NUTF2: variants seen among roughly 807,000 people sequenced by gnomAD.
The protein encoded by NUTF2 is placental protein 15.
A neutral mutation model predicts 18.5 loss-of-function variants in NUTF2; 3 were observed. The ratio of observed to expected loss-of-function variants is 0.16; its 90% CI spans 0.07 to 0.42. NUTF2 has a LOEUF of 0.42. Among genes scored for constraint, NUTF2 ranks in the 10% least tolerant of loss-of-function variants. NUTF2 has a pLI of 0.99. For missense variants in NUTF2, 44 were observed against 160.7 expected (o/e 0.27, Z 3.93); for synonymous variants, 51 against 57.9 (o/e 0.88, Z 0.54).
At chr16:67,865,056 C>G in intron 1 of NUTF2, 46 bp from the exon 2 acceptor site, 1 of 984,234 alleles carries the variant, frequency 1.0e-6, no homozygotes, top group South Asian at 1.4e-5. Flanking sequence ...TGGTCACCTA[C>G]TCTCATGGTA....
At chr16:67,866,963 A>G (rs1249451077) in intron 2 of NUTF2, among the ~76,000 whole-genome samples, 1 of 148,860 alleles carries the variant, frequency 6.7e-6, no homozygotes, top group African/African-American at 2.5e-5. Context: ...CTTGTGCCTC[A>G]TTATCACTCT....
chr16:67,856,437 G>T (rs1165877646), intron 1 of NUTF2, among the ~76,000 whole-genome samples: 1 of 150,960 alleles, frequency 6.6e-6, no homozygotes, highest in African/African-American at 2.4e-5. Context: ...TGATCCACCT[G>T]CCTCGGCCTC....
At chr16:67,862,619 G>T (rs2057942332) in intron 1 of NUTF2, among the ~76,000 whole-genome samples, 1 of 152,182 alleles carries the variant, frequency 6.6e-6, no homozygotes, top group African/African-American at 2.4e-5. Flanking sequence ...TGGATCACTT[G>T]AGCTCAGGAG....
intron 1 of NUTF2, among the ~76,000 whole-genome samples, chr16:67,848,185 G>A (rs1376282922): frequency 6.6e-6 from 1 of 152,202 alleles, no homozygotes; most frequent in African/African-American, 2.4e-5. Flanking sequence ...TTCTGATTGA[G>A]AGATGGTAAA....
At chr16:67,857,010 C>T (rs567651907) in intron 1 of NUTF2, among the ~76,000 whole-genome samples, 1 of 152,342 alleles carries the variant, frequency 6.6e-6, no homozygotes, top group East Asian at 1.9e-4. Flanking sequence ...GTTCCCTCCA[C>T]CACTCTGTGG....
At chr16:67,853,929 C>A (rs1337445670) in intron 1 of NUTF2, among the ~76,000 whole-genome samples, 1 of 152,142 alleles carries the variant, frequency 6.6e-6, no homozygotes, top group Non-Finnish European at 1.5e-5. Flanking sequence ...TTATAGGGAA[C>A]AGCCACCACG....
At chr16:67,848,760 A>G (rs1598155639) in intron 1 of NUTF2, among the ~76,000 whole-genome samples, 1 of 151,826 alleles carries the variant, frequency 6.6e-6, no homozygotes, top group African/African-American at 2.4e-5. Flanking sequence ...AGAAAAAGAA[A>G]AAAAAAAAAA....
At chr16:67,866,491 A>C (rs1022360137) in intron 2 of NUTF2, among the ~76,000 whole-genome samples, 3 of 151,246 alleles carry the variant, frequency 2.0e-5, no homozygotes, top group African/African-American at 7.3e-5. Context: ...CTTGAGATGC[A>C]GTCTCACTCT....
In NUTF2 at chr16:67,870,973, C is replaced by G; in HGVS notation, c.*60C>G. The G allele has an allele frequency of 8.1e-7, 1 of 1,236,130 alleles. No homozygotes were observed. The highest frequency in any genetic ancestry group is 1.2e-6 in the Non-Finnish European group (1 of 838,354). The allele number at this position is 1,236,130 out of a possible 1,614,324, so 76.6% of individuals were successfully genotyped here. A position where few individuals can be genotyped will look rare whatever the true frequency, so the allele number is the denominator to read the frequency against. ...CTCCCTCCTCTTCCCAATACTATTC[C>G]CACTCCTCCAGATGCTCCAAATATC... On this transcript the variant is annotated 3_prime_UTR_variant, in exon 5 of 5. Transcript: ENST00000219169.
At chr16:67,851,809 A>G (rs919745974) in intron 1 of NUTF2, among the ~76,000 whole-genome samples, 1 of 152,116 alleles carries the variant, frequency 6.6e-6, no homozygotes, top group Non-Finnish European at 1.5e-5. Context: ...TGAGGTCAGG[A>G]GTTCAAAACC....
intron 1 of NUTF2, among the ~76,000 whole-genome samples, chr16:67,863,977 A>G (rs1280650753): frequency 6.6e-6 from 1 of 152,168 alleles, no homozygotes; most frequent in Non-Finnish European, 1.5e-5. Flanking sequence ...GGTAAAAGCA[A>G]TGCTGGGATG....
At chr16:67,855,948 T>A (rs1488106891) in intron 1 of NUTF2, 6 of 1,045,764 alleles carry the variant, frequency 5.7e-6, no homozygotes, top group Non-Finnish European at 8.5e-6. Context: ...TGGGCAGATG[T>A]CCAGCCTCAG....
rs2057991656 is a variant in NUTF2 at position 67,868,701 on chromosome 16, A to G, written c.270+102A>G. The G allele has an allele frequency of 1.9e-5, 21 of 1,092,330 alleles. No homozygotes were observed. In the South Asian group the frequency reaches 2.8e-4, roughly 14 times the overall value. 67.7% of individuals were successfully genotyped at this position (1,092,330 alleles called of 1,614,324 possible). A position where few individuals can be genotyped will look rare whatever the true frequency, so the allele number is the denominator to read the frequency against. On this transcript the variant is annotated intron_variant, in intron 4 of 4. Coordinates refer to ENST00000219169, the MANE Select transcript of NUTF2 (RefSeq NM_005796.3). ...GTGACCTGCTTATCTAGGGACACCC[A>G]GACAAAGTGACTGTCTAGAGCTGCG...
chr16:67,859,171 C>G (rs1040782045), intron 1 of NUTF2, among the ~76,000 whole-genome samples: 12 of 151,494 alleles, frequency 7.9e-5, no homozygotes, highest in Non-Finnish European at 1.8e-4. Context: ...CACTCTGGCT[C>G]CGAGGGTTTG....
intron 1 of NUTF2, among the ~76,000 whole-genome samples, chr16:67,858,135 G>A (rs914617751): frequency 2.6e-5 from 4 of 152,144 alleles, no homozygotes; most frequent in Non-Finnish European, 5.9e-5. Flanking sequence ...AACAATACAG[G>A]AGGCAAAATG....
At chr16:67,863,661 T>A (rs2057949501) in intron 1 of NUTF2, among the ~76,000 whole-genome samples, 1 of 152,160 alleles carries the variant, frequency 6.6e-6, no homozygotes, top group Non-Finnish European at 1.5e-5. Context: ...TTGCATCAGA[T>A]CCCACCACTG....
chr16:67,854,190 C>G (rs923487074), intron 1 of NUTF2, among the ~76,000 whole-genome samples: 3 of 152,206 alleles, frequency 2.0e-5, no homozygotes, highest in African/African-American at 7.2e-5. Context: ...AACTCTTGGT[C>G]TGCCCGCCTT....
chr16:67,852,452 G>A (rs2057866977), intron 1 of NUTF2, among the ~76,000 whole-genome samples: 1 of 151,610 alleles, frequency 6.6e-6, no homozygotes, highest in African/African-American at 2.4e-5. Context: ...CGCCCTCCGG[G>A]TTCAAGCAAT....
At chr16:67,864,509 C>CA (rs572931294) in intron 1 of NUTF2, among the ~76,000 whole-genome samples, 3,211 of 52,068 alleles carry the variant, frequency 0.062, 118 homozygotes, top group African/African-American at 0.11. Context: ...AACTCTGTCT[C>CA]AAAAAAAAAA....
Sources: allele counts gnomAD v4.1 joint callset (sites outside exome capture counted in the v4.1 genomes callset), GRCh38; gene constraint gnomAD v4.1.1; transcripts MANE v1.5; gene names NCBI Gene and HGNC (gene_info 2026-07-23, HGNC 2026-07-21).